Variants in CMTM7 observed in about 807,000 individuals in gnomAD.
The protein encoded by CMTM7 is CKLF-like MARVEL transmembrane domain-containing protein 7.
CMTM7 carries 7 observed loss-of-function variants against 19.3 expected under a neutral mutation model. The ratio of observed to expected loss-of-function variants is 0.36; its 90% confidence interval spans 0.21 to 0.68. The LOEUF is 0.68. Among genes scored for constraint, CMTM7 ranks in the 30% least tolerant of loss-of-function variants. CMTM7 has a pLI of 0.60. For synonymous variants in CMTM7, 87 were observed against 99.3 expected (o/e 0.88, Z 0.74); for missense variants, 193 against 232.6 (o/e 0.83, Z 1.11).
intron 1 of CMTM7, among the ~76,000 whole-genome samples, chr3:32,405,592 TTAAA>T (rs1696080581): frequency 6.6e-6 from 1 of 152,118 alleles, no homozygotes; most frequent in African/African-American, 2.4e-5. Flanking sequence ...GGCAGGGAGT[TTAAA>T]TATCTTGTCT....
At chr3:32,406,260 C>T (rs963113888) in intron 1 of CMTM7, among the ~76,000 whole-genome samples, 20 of 152,124 alleles carry the variant, frequency 1.3e-4, no homozygotes, top group African/African-American at 4.1e-4. Context: ...TACTGACAGC[C>T]GTTTAGGGTA....
chr3:32,410,601 C>T (rs548600150), intron 1 of CMTM7, among the ~76,000 whole-genome samples: 2 of 152,242 alleles, frequency 1.3e-5, no homozygotes, highest in African/African-American at 2.4e-5. Flanking sequence ...TTCAAGCCTG[C>T]GGGCCAAGAA....
At chr3:32,444,582 A>C (rs1696727127) in intron 2 of CMTM7, among the ~76,000 whole-genome samples, 1 of 152,256 alleles carries the variant, frequency 6.6e-6, no homozygotes, top group African/African-American at 2.4e-5. Flanking sequence ...ATTTCTACAA[A>C]AATCAGCTGG....
intron 1 of CMTM7, among the ~76,000 whole-genome samples, chr3:32,438,812 G>T (rs1313333164): frequency 1.3e-5 from 2 of 152,290 alleles, no homozygotes; most frequent in Non-Finnish European, 2.9e-5. Flanking sequence ...ACCTGCACAG[G>T]CCCCTTTTGT....
At chr3:32,432,103 G>C (rs1183608585) in intron 1 of CMTM7, among the ~76,000 whole-genome samples, 1 of 152,216 alleles carries the variant, frequency 6.6e-6, no homozygotes, top group Non-Finnish European at 1.5e-5. Context: ...TTTGCTTCTT[G>C]GTTCCACCAT....
chr3:32,437,265 T>C (rs1244653851), intron 1 of CMTM7, among the ~76,000 whole-genome samples: 1 of 152,150 alleles, frequency 6.6e-6, no homozygotes. Context: ...TGTGGGACCC[T>C]TGCTTTGAGT....
chr3:32,418,905 A>T (rs1227645754), intron 1 of CMTM7, among the ~76,000 whole-genome samples: 1 of 152,216 alleles, frequency 6.6e-6, no homozygotes, highest in African/African-American at 2.4e-5. Context: ...GTTTTCCAAT[A>T]TTACAAAAAT....
intron 1 of CMTM7, among the ~76,000 whole-genome samples, chr3:32,397,909 A>C (rs1695941899): frequency 6.6e-6 from 1 of 152,092 alleles, no homozygotes; most frequent in Admixed American, 6.5e-5. Context: ...CAAGTACCAA[A>C]ATTGGCTGCT....
At chr3:32,405,068 C>G (rs1696069640) in intron 1 of CMTM7, among the ~76,000 whole-genome samples, 1 of 152,170 alleles carries the variant, frequency 6.6e-6, no homozygotes, top group Non-Finnish European at 1.5e-5. Context: ...TGACAGCCAG[C>G]AAGAAAACGG....
chr3:32,411,590 T>A (rs61471967), intron 1 of CMTM7, among the ~76,000 whole-genome samples: 17,906 of 152,212 alleles, frequency 0.12, 1,126 homozygotes, highest in South Asian at 0.17. Flanking sequence ...TTTGGGAATG[T>A]TGCTAAGTGA....
chr3:32,405,670 G>C (rs1197300947), intron 1 of CMTM7, among the ~76,000 whole-genome samples: 2 of 152,192 alleles, frequency 1.3e-5, no homozygotes, highest in African/African-American at 2.4e-5. Context: ...CATGAAGATT[G>C]CTTGAGCCCA....
intron 1 of CMTM7, among the ~76,000 whole-genome samples, chr3:32,400,357 A>C (rs1166193465): frequency 6.8e-6 from 1 of 146,990 alleles, no homozygotes; most frequent in Non-Finnish European, 1.5e-5. Context: ...GGATGATTCT[A>C]TACATATTTT....
Position 32,453,867 on chromosome 3 carries a change from C to A in CMTM7, c.515-374C>A, listed in dbSNP as rs150067660. Among the ~76,000 whole-genome samples, 375 of 152,084 alleles carry A rather than the reference C, an allele frequency of 2.5e-3. 1 individual carries two copies. The highest frequency in any genetic ancestry group is 4.2e-3 in the Non-Finnish European group (287 of 67,998). Reference sequence around the variant, plus strand: ...AAGAAAAAAAAGAATGATTTTTAAACGTAGAGAATATAGGGGAAAAGAGAA... The same window carrying A: ...AAGAAAAAAAAGAATGATTTTTAAAAGTAGAGAATATAGGGGAAAAGAGAA... On this transcript the variant is annotated intron_variant, in intron 4 of 4. Transcript: ENST00000334983.
rs527851632 is a variant in CMTM7, at chr3:32,411,339, T to C, written c.159+19274T>C. Reference sequence around the variant, plus strand: ...TTTAATTAAATATAAATTTTACATATTTTTGTGAATATATAAAAAGGAAAA... The same window carrying C: ...TTTAATTAAATATAAATTTTACATACTTTTGTGAATATATAAAAAGGAAAA... On this transcript the variant is annotated intron_variant, in intron 1 of 4. Coordinates refer to ENST00000334983, the MANE Select transcript of CMTM7 (RefSeq NM_138410.4). Among the ~76,000 whole-genome samples, 100 of 152,356 alleles carry C rather than the reference T, an allele frequency of 6.6e-4. 1 individual carries two copies. The highest frequency in any genetic ancestry group is 6.4e-3 in the South Asian group (31 of 4,830).
At chr3:32,412,321 C>T (rs1449795281) in intron 1 of CMTM7, among the ~76,000 whole-genome samples, 1 of 152,064 alleles carries the variant, frequency 6.6e-6, no homozygotes, top group Non-Finnish European at 1.5e-5. Context: ...CCCATCTCTA[C>T]CAAAAATGCA....
At chr3:32,406,258 G>A (rs58999263) in intron 1 of CMTM7, among the ~76,000 whole-genome samples, 9,411 of 152,210 alleles carry the variant, frequency 0.062, 946 homozygotes, top group African/African-American at 0.21. Context: ...CCTACTGACA[G>A]CCGTTTAGGG....
chr3:32,423,961 A>C (rs752935325), intron 1 of CMTM7, among the ~76,000 whole-genome samples: 1 of 152,244 alleles, frequency 6.6e-6, no homozygotes, highest in Non-Finnish European at 1.5e-5. Context: ...AATAGAGGCC[A>C]GATAGGACCT....
chr3:32,415,633 TTACTGTGCAGATCTTCTCTGAAG>T (rs1447048356), intron 1 of CMTM7, among the ~76,000 whole-genome samples: 1 of 152,212 alleles, frequency 6.6e-6, no homozygotes, highest in Non-Finnish European at 1.5e-5. Context: ...CTGCTCAGGG[TTACTGTGCAGATCTTCTCTGAAG>T]TATTTAAGCT....
At chr3:32,393,742 C>T (rs1575105541) in intron 1 of CMTM7, among the ~76,000 whole-genome samples, 1 of 140,802 alleles carries the variant, frequency 7.1e-6, no homozygotes, top group African/African-American at 2.6e-5. Context: ...TGCCACTGCA[C>T]TAGTCTGCGT....
Sources: allele counts gnomAD v4.1 joint callset (sites outside exome capture counted in the v4.1 genomes callset), GRCh38; gene constraint gnomAD v4.1.1; transcripts MANE v1.5; gene names NCBI Gene and HGNC (gene_info 2026-07-23, HGNC 2026-07-21).